The following RPGRIP1L variants were observed in gnomAD, a reference collection of about 807,000 sequenced individuals.
RPGRIP1L encodes the protein RPGRIP1 like.
Under a neutral mutation model 160.4 loss-of-function variants are expected in RPGRIP1L, and 131 were observed. That is an observed-to-expected ratio of 0.82 (90% CI 0.71 to 0.94). The LOEUF (loss-of-function observed/expected upper bound fraction) is 0.94. RPGRIP1L is among the 40% of genes least tolerant of loss of function. The probability of loss-of-function intolerance (pLI) is 0.00; values close to 1 mark genes in which losing one functional copy is unlikely to be tolerated. For synonymous variants in RPGRIP1L, 510 were observed against 515.8 expected, an observed-to-expected ratio of 0.99 and a Z score of 0.15; for missense variants, 1,522 against 1,535.8, an observed-to-expected ratio of 0.99 and a Z score of 0.15.
chr16:53,674,014 A>G lies in RPGRIP1L; in HGVS notation c.883-998T>C, dbSNP rs144255605. Among the ~76,000 whole-genome samples the G allele has an allele frequency of 3.4e-3, 521 of 152,300 alleles. 7 individuals are homozygous for G. Among genetic ancestry groups the G allele is most frequent in the Non-Finnish European group, 1.9e-3 (129 of 68,004 alleles). On this transcript the variant is annotated intron_variant, in intron 7 of 26. Transcript: ENST00000647211. ...TTCCTTTCTTAATTCTTAATCTTAGAAATGGCTTTCAACTACAGGGATTTT... is the reference window on the plus strand; with the variant it reads ...TTCCTTTCTTAATTCTTAATCTTAGGAATGGCTTTCAACTACAGGGATTTT...
At chr16:53,655,437 T>C (rs938478939) in intron 14 of RPGRIP1L, 3 of 152,184 alleles carry the variant, frequency 2.0e-5, no homozygotes, top group African/African-American at 7.2e-5. Flanking sequence ...GAGTGTAAAA[T>C]TACTGCTGGC....
intron 6 of RPGRIP1L, 101 bp downstream of exon 6, chr16:53,686,332 A>T (rs2095636210): frequency 7.9e-7 from 1 of 1,265,282 alleles, no homozygotes; most frequent in Non-Finnish European, 1.1e-6. Flanking sequence ...TAAAAACATG[A>T]TTTTTAAATA....
chr16:53,606,900 C>T (rs1258516533), intron 25 of RPGRIP1L, among the ~76,000 whole-genome samples: 2 of 152,150 alleles, frequency 1.3e-5, no homozygotes, highest in East Asian at 3.8e-4. Context: ...AGGCGTGAGT[C>T]ACTGCGCCCA....
intron 26 of RPGRIP1L, among the ~76,000 whole-genome samples, chr16:53,603,703 T>TGTGC (rs1555583078): frequency 1.3e-5 from 2 of 148,470 alleles, no homozygotes; most frequent in African/African-American, 5.1e-5. Context: ...TGTGTGTGTG[T>TGTGC]GTGTGTTTAA....
chr16:53,646,074 A>G, intron 16 of RPGRIP1L, 71 bp from the exon 17 acceptor site: 1 of 1,400,428 alleles, frequency 7.1e-7, no homozygotes, highest in South Asian at 1.2e-5. Context: ...GCCAAGCCCC[A>G]AATAAGATAA....
intron 10 of RPGRIP1L, among the ~76,000 whole-genome samples, chr16:53,662,343 A>G (rs992538811): frequency 2.0e-5 from 3 of 152,170 alleles, no homozygotes; most frequent in African/African-American, 7.2e-5. Context: ...CAGTTAATTT[A>G]AGCATTAACC....
chr16:53,645,636 C>T lies in RPGRIP1L; in HGVS notation c.2672G>A (p.Arg891Lys), dbSNP rs200531735. Residue 891 changes from arginine (R) to lysine (K), a missense_variant, in exon 17 of 27, where the codon AGG (arginine) becomes AAG (lysine). Physicochemically the swap from Arg to Lys is conservative, Grantham distance 26. Transcript: ENST00000647211. ...AAACATAGGCTTACCTGAGATACAC[C>T]TGTCATGTGCCAACGAAATCAGAGG... ...NVPLISLAHD[R>K]CISGIFELTD... is the part of the protein sequence containing the mutation. The T allele has an allele frequency of 2.5e-6, 4 of 1,613,548 alleles. No individual in the cohort carries two copies. The highest frequency in any genetic ancestry group is 2.7e-5 in the African/African-American group (2 of 75,026).
chr16:53,671,503 G>T lies in RPGRIP1L; in HGVS notation c.1103+7C>A, dbSNP rs761579460. 2.6e-6 allele frequency: 4 copies of T among 1,551,972 alleles called. No individual in the cohort carries two copies. In the South Asian group the frequency reaches 3.4e-5, roughly 13 times the overall value. ...ACAATGAAAGAACACATGGAATCAC[G>T]ATTTACCTGTCATAAAGTTTATCAT... On this transcript the variant is annotated splice_region_variant and intron_variant, in intron 9 of 26. Coordinates refer to ENST00000647211, the MANE Select transcript of RPGRIP1L (RefSeq NM_015272.5).
intron 13 of RPGRIP1L, 24 bp downstream of exon 13, chr16:53,657,429 T>A: frequency 6.7e-7 from 1 of 1,498,440 alleles, no homozygotes; most frequent in Non-Finnish European, 9.3e-7. Context: ...AAACTTACTT[T>A]CCCCATTTAG....
chr16:53,687,450 T>A (rs1327024196), intron 5 of RPGRIP1L, among the ~76,000 whole-genome samples: 1 of 152,156 alleles, frequency 6.6e-6, no homozygotes, highest in Non-Finnish European at 1.5e-5. Flanking sequence ...CATATGTATC[T>A]GATAACTCCA....
At chr16:53,685,475 CTAGA>C (rs1969936347) in intron 6 of RPGRIP1L, among the ~76,000 whole-genome samples, 1 of 152,146 alleles carries the variant, frequency 6.6e-6, no homozygotes, top group African/African-American at 2.4e-5. Context: ...CAATGATAGG[CTAGA>C]TAAAGATAAT....
rs758370789 is a variant in RPGRIP1L at position 53,652,649 on chromosome 16, G to A, written c.2038C>T (p.Leu680Phe). The change falls in exon 15 of 27, where the codon CTT (leucine) becomes TTT (phenylalanine). Residue 680 changes from leucine (L) to phenylalanine (F), a missense_variant. By Grantham distance (22) the Leu-to-Phe change is conservative (BLOSUM62 0). Coordinates refer to ENST00000647211, the MANE Select transcript of RPGRIP1L (RefSeq NM_015272.5). ...LQYIQKNTIT[L>F]EVHQAYSTEY... is the part of the protein sequence containing the mutation. ...GTGCTATAAGCCTGGTGGACCTCAAGGGTGATAGTATTCTTCTGAATATAT... is the reference window on the plus strand; with the variant it reads ...GTGCTATAAGCCTGGTGGACCTCAAAGGTGATAGTATTCTTCTGAATATAT... 6 of 1,613,536 alleles carry A rather than the reference G, an allele frequency of 3.7e-6. No homozygotes were observed. The Admixed American group carries it at 8.3e-5, about 22-fold the overall frequency.
At chr16:53,664,785 T>C (rs1968093774) in intron 10 of RPGRIP1L, 85 bp downstream of exon 10, 9 of 1,447,342 alleles carry the variant, frequency 6.2e-6, no homozygotes, top group East Asian at 2.3e-5. Context: ...TGGCAAACAG[T>C]AGGCACCAGA....
chr16:53,621,081 T>C (rs1964679076), intron 23 of RPGRIP1L, among the ~76,000 whole-genome samples: 1 of 152,208 alleles, frequency 6.6e-6, no homozygotes, highest in African/African-American at 2.4e-5. Flanking sequence ...GAATTTAAAA[T>C]TGTTTATCAC....
intron 16 of RPGRIP1L, among the ~76,000 whole-genome samples, chr16:53,648,613 TGCGCGC>T (rs113828309): frequency 0.016 from 2,194 of 133,208 alleles, 34 homozygotes; most frequent in African/African-American, 0.041. Context: ...CGTACGCGCG[TGCGCGC>T]GCGCGCGCAC....
intron 19 of RPGRIP1L, among the ~76,000 whole-genome samples, 200 bp downstream of exon 19, chr16:53,640,833 C>A (rs1966164345): frequency 6.6e-6 from 1 of 151,020 alleles, no homozygotes; most frequent in African/African-American, 2.4e-5. Context: ...GAGGTAAGGG[C>A]CCAAAAAAGG....
intron 22 of RPGRIP1L, among the ~76,000 whole-genome samples, chr16:53,633,346 T>C (rs1476780077): frequency 2.0e-5 from 3 of 152,186 alleles, no homozygotes; most frequent in African/African-American, 7.2e-5. Context: ...CCTACCAAAA[T>C]GCATAACTGG....
intron 6 of RPGRIP1L, among the ~76,000 whole-genome samples, chr16:53,679,936 A>C (rs1969482402): frequency 6.6e-6 from 1 of 152,214 alleles, no homozygotes; most frequent in African/African-American, 2.4e-5. Flanking sequence ...AGAGACCTTA[A>C]GTAATGGAAA....
At chr16:53,607,074 A>T (rs900923610) in intron 25 of RPGRIP1L, among the ~76,000 whole-genome samples, 1 of 152,166 alleles carries the variant, frequency 6.6e-6, no homozygotes, top group Non-Finnish European at 1.5e-5. Context: ...TGGAGTGGTT[A>T]AGGGCATTCA....
Sources: gnomAD v4.1 joint callset for allele counts (sites outside exome capture counted in the v4.1 genomes callset) on GRCh38, gnomAD v4.1.1 for gene constraint, MANE v1.5 for transcripts, NCBI Gene and HGNC (gene_info 2026-07-23, HGNC 2026-07-21) for gene names.